Variants in DLEC1 observed in about 807,000 individuals in gnomAD.
DLEC1 encodes the protein deleted in lung and esophageal cancer protein 1.
DLEC1 carries 146 observed loss-of-function variants against 198.1 expected under a neutral mutation model. The observed-to-expected ratio is 0.74, with a 90% CI of 0.64 to 0.85. The LOEUF (loss-of-function observed/expected upper bound fraction) is 0.85, where lower values mean the gene tolerates loss of function less well. Ranked by LOEUF, DLEC1 falls within the 40% of genes least tolerant of loss-of-function variation. DLEC1 has a pLI of 0.00. For synonymous variants in DLEC1, 897 were observed against 866.8 expected (o/e 1.03, Z -0.61); for missense variants, 2,233 against 2,220.0 (o/e 1.01, Z -0.12).
chr3:38,079,596 G>A (rs62240709), intron 6 of DLEC1, among the ~76,000 whole-genome samples: 29,498 of 152,162 alleles, frequency 0.19, 3,442 homozygotes, highest in East Asian at 0.34. Context: ...TTGGGCCAGA[G>A]TTCCAGGGGC....
In DLEC1 at chr3:38,100,321, G is replaced by C; in HGVS notation, c.2760G>C (p.Gln920His). The stretch of plus-strand genomic sequence containing the variant: ...TCGACATTGAGCCTTCGAGTGGCCA[G>C]CTTCACTCTCTGGGGGAGTGCAGGG... Reference protein sequence around the residue: ...SPFDIEPSSGQLHSLGECRVD... With the variant: ...SPFDIEPSSGHLHSLGECRVD... The change falls in exon 19 of 37, where the codon CAG becomes CAC. Residue 920 changes from glutamine (Q) to histidine (H), a missense_variant. Transcript: ENST00000308059. 1 of 1,613,602 alleles carries C rather than the reference G, an allele frequency of 6.2e-7. No homozygotes were observed. The highest frequency in any genetic ancestry group is 2.2e-5 in the East Asian group (1 of 44,826).
rs892218473 is a variant in DLEC1 at position 38,084,240 on chromosome 3, G to C, written c.1256G>C (p.Gly419Ala). The change falls in exon 7 of 37, where the codon GGA (glycine) becomes GCA (alanine). Residue 419 changes from glycine to alanine, a missense_variant. Physicochemically the swap from Gly to Ala is moderately conservative, Grantham distance 60. Coordinates refer to ENST00000308059, the MANE Select transcript of DLEC1 (RefSeq NM_007335.4). ...CCTTCCACGCCATACTTCGCTCTGG[G>C]ACTGGGTAAGTTCAGTATTTGTAAG... ...LPPSTPYFAL[G>A]LGMFPGKGGM... The C allele has an allele frequency of 8.1e-6, 13 of 1,612,586 alleles. No individual in the cohort carries two copies. The African/African-American group carries it at 1.7e-4, about 22-fold the overall frequency.
intron 2 of DLEC1, among the ~76,000 whole-genome samples, chr3:38,053,214 C>A (rs1701219249): frequency 6.6e-6 from 1 of 152,154 alleles, no homozygotes; most frequent in South Asian, 2.1e-4. Context: ...GCGGCCACCC[C>A]ATCTGGGAAG....
intron 9 of DLEC1, among the ~76,000 whole-genome samples, 180 bp downstream of exon 9, chr3:38,086,557 G>A (rs1364736703): frequency 6.6e-5 from 10 of 152,208 alleles, no homozygotes; most frequent in African/African-American, 2.2e-4. Context: ...CAGTGTTGTA[G>A]TTCTGGTTAT....
chr3:38,045,640 T>A lies in DLEC1; in HGVS notation c.509T>A (p.Val170Asp). The A allele has an allele frequency of 1.2e-6, 2 of 1,613,680 alleles. No homozygotes were observed. Among genetic ancestry groups the A allele is most frequent in the Non-Finnish European group, 1.7e-6 (2 of 1,179,934 alleles). Residue 170 changes from valine to aspartate, a missense_variant, in exon 2 of 37, where the codon GTC becomes GAC. Coordinates refer to ENST00000308059, the MANE Select transcript of DLEC1 (RefSeq NM_007335.4). ...CGGGCTATTGCGGAAAATGAGCGGG[T>A]CATGAGCCAGGCTGGAGTACAGGAC... ...QARAIAENER[V>D]MSQAGVQDLE...
chr3:38,118,140 C>T lies in DLEC1; in HGVS notation c.4704+116C>T. On this transcript the variant is annotated intron_variant, in intron 33 of 36. Transcript: ENST00000308059. ...ACCCAGACGCAAACTGCATGCCTGA[C>T]CCTGCCATACCCTGCATGAACACTC... 2.7e-6 allele frequency: 3 copies of T among 1,106,186 alleles called. No individual in the cohort carries two copies. The African/African-American group carries it at 4.7e-5, about 17-fold the overall frequency. 68.5% of individuals were successfully genotyped at this position (1,106,186 alleles called of 1,614,324 possible).
At chr3:38,098,641 G>A (rs983526550) in intron 18 of DLEC1, among the ~76,000 whole-genome samples, 5 of 152,036 alleles carry the variant, frequency 3.3e-5, no homozygotes, top group African/African-American at 1.2e-4. Flanking sequence ...TCCCCATCCT[G>A]CTTGCCCACT....
Position 38,122,076 on chromosome 3 carries a change from C to T in DLEC1, c.5026C>T (p.Gln1676Ter), listed in dbSNP as rs974131692. The change falls in exon 36 of 37, where the codon CAG becomes TAG. Residue 1676 changes from glutamine to a stop codon, truncating the protein, a stop_gained. Coordinates refer to ENST00000308059, the MANE Select transcript of DLEC1 (RefSeq NM_007335.4). LOFTEE classifies it high-confidence loss of function. ...TTCCCTTCCCTTTGGTGCAGGCCAG[C>T]AGGAGCCAGCCAAGGCCGCTGTGGC... The part of the protein sequence containing the change: ...RSYWTMLMGQ[Q>*]EPAKAAVAFR... 3.1e-6 allele frequency: 5 copies of T among 1,613,824 alleles called. No homozygotes were observed. The highest frequency in any genetic ancestry group is 2.7e-5 in the African/African-American group (2 of 74,910).
In DLEC1 at chr3:38,063,879, T is replaced by C. The variant is rs751804734; in HGVS notation, c.1133T>C (p.Ile378Thr). The change falls in exon 6 of 37, where the codon ATT becomes ACT. Residue 378 changes from isoleucine to threonine, a missense_variant. Coordinates refer to ENST00000308059, the MANE Select transcript of DLEC1 (RefSeq NM_007335.4). ...DTPVFLAKPP[I>T]GFFTDYEIGP... ...CCAGTGTTTCTAGCTAAGCCACCAA[T>C]TGGGTTTTTCACAGATTATGAAATT... 1 of 1,613,694 alleles carries C rather than the reference T, an allele frequency of 6.2e-7. No homozygotes were observed. The highest frequency in any genetic ancestry group is 8.5e-7 in the Non-Finnish European group (1 of 1,179,718).
At chr3:38,118,102 C>T in intron 33 of DLEC1, 78 bp downstream of exon 33, 4 of 1,483,092 alleles carry the variant, frequency 2.7e-6, no homozygotes, top group Non-Finnish European at 3.6e-6. Context: ...GCACGCCACC[C>T]TCAGGTGCTT....
chr3:38,114,268 G>A (rs1398558251), intron 25 of DLEC1, 74 bp from the exon 26 acceptor site: 3 of 1,471,078 alleles, frequency 2.0e-6, no homozygotes, highest in Non-Finnish European at 2.8e-6. Flanking sequence ...GGCTGGACAA[G>A]TGGAGGCCTT....
rs775136899 is a variant in DLEC1, at chr3:38,122,100, G to A, written c.5050G>A (p.Ala1684Thr). 1.2e-6 allele frequency: 2 copies of A among 1,614,094 alleles called. No individual in the cohort carries two copies. Among genetic ancestry groups the A allele is most frequent in the Non-Finnish European group, 1.7e-6 (2 of 1,179,978 alleles). ...GQQEPAKAAV[A>T]FRVSPNSGLL... is the part of the protein sequence containing the mutation. ...GCAGGAGCCAGCCAAGGCCGCTGTG[G>A]CCTTCAGGGTCTCCCCAAACAGTGG... Residue 1684 changes from alanine to threonine, a missense_variant, in exon 36 of 37, where the codon GCC (alanine) becomes ACC (threonine). Physicochemically the swap from Ala to Thr is moderately conservative, Grantham distance 58. Transcript: ENST00000308059.
chr3:38,076,675 A>G, intron 6 of DLEC1, among the ~76,000 whole-genome samples: 1 of 152,244 alleles, frequency 6.6e-6, no homozygotes, highest in Non-Finnish European at 1.5e-5. Flanking sequence ...ACTTCAGGCC[A>G]TCTGGGCATA....
chr3:38,116,119 G>A (rs1185865107), intron 27 of DLEC1, among the ~76,000 whole-genome samples: 3 of 152,110 alleles, frequency 2.0e-5, no homozygotes, highest in East Asian at 1.9e-4. Flanking sequence ...GCATGTGGGG[G>A]TTAGAGAGCC....
intron 3 of DLEC1, 135 bp from the exon 4 acceptor site, chr3:38,062,034 G>T: frequency 2.4e-6 from 2 of 816,684 alleles, no homozygotes; most frequent in Non-Finnish European, 3.9e-6. Context: ...AGCAATTATA[G>T]CTGGTGTGGT....
chr3:38,121,967 T>G, intron 35 of DLEC1, 104 bp from the exon 36 acceptor site: 1 of 1,550,274 alleles, frequency 6.5e-7, no homozygotes, highest in Non-Finnish European at 8.7e-7. Context: ...TGCCCTGCAG[T>G]GCTGAGCAAG....
chr3:38,110,136 C>T lies in DLEC1; in HGVS notation c.3298C>T (p.Leu1100=), dbSNP rs1256247118. 2.5e-6 allele frequency: 4 copies of T among 1,614,050 alleles called. No individual in the cohort carries two copies. Among genetic ancestry groups the T allele is most frequent in the Admixed American group, 1.7e-5 (1 of 60,012 alleles). ...QWPGHPKELR[L]DFGSAVPLRT... is the part of the protein sequence containing the mutation. ...GCCAGGCCACCCAAAGGAGCTCCGC[C>T]TGGACTTTGGCTCAGCGGTGCCACT... The change falls in exon 23 of 37, where the codon CTG becomes TTG. Residue 1100 remains leucine (L), a synonymous_variant. Coordinates refer to ENST00000308059, the MANE Select transcript of DLEC1 (RefSeq NM_007335.4).
chr3:38,056,316 T>G (rs940304290), intron 2 of DLEC1, among the ~76,000 whole-genome samples: 1 of 152,124 alleles, frequency 6.6e-6, no homozygotes, highest in African/African-American at 2.4e-5. Flanking sequence ...TTTGGTTTTG[T>G]TTTTGTTTTT....
intron 6 of DLEC1, among the ~76,000 whole-genome samples, chr3:38,079,479 C>A (rs1697836657): frequency 6.6e-6 from 1 of 152,056 alleles, no homozygotes; most frequent in Non-Finnish European, 1.5e-5. Flanking sequence ...GAGAGTTACC[C>A]AAAGCTCGGT....
Sources: gnomAD v4.1 joint callset for allele counts (sites outside exome capture counted in the v4.1 genomes callset) on GRCh38, gnomAD v4.1.1 for gene constraint, MANE v1.5 for transcripts, NCBI Gene and HGNC (gene_info 2026-07-23, HGNC 2026-07-21) for gene names.